RBFOX1: variants seen among roughly 807,000 people sequenced by gnomAD.
RBFOX1 encodes the protein RNA binding protein fox-1 homolog 1.
A neutral mutation model predicts 57.7 loss-of-function variants in RBFOX1; 8 were observed. That is an observed-to-expected ratio of 0.14 (90% CI 0.08 to 0.25). The LOEUF (loss-of-function observed/expected upper bound fraction) is 0.25. RBFOX1 is among the 10% of genes least tolerant of loss of function. The pLI is 1.00. For missense variants in RBFOX1, 611 were observed against 548.5 expected (o/e 1.11, Z -1.14); for synonymous variants, 326 against 222.4 (o/e 1.47, Z -4.15).
At chr16:6,868,171 C>A (rs2142999861) in intron 3 of RBFOX1, among the ~76,000 whole-genome samples, 1 of 151,960 alleles carries the variant, frequency 6.6e-6, no homozygotes, top group Non-Finnish European at 1.5e-5. Flanking sequence ...TATTTTTTTT[C>A]ATTGAAGTCT....
intron 1 of RBFOX1, among the ~76,000 whole-genome samples, chr16:5,349,528 C>T (rs1272441625): frequency 6.6e-6 from 1 of 152,068 alleles, no homozygotes; most frequent in African/African-American, 2.4e-5. Context: ...AAAAAATTAG[C>T]CGGGCGTGGT....
intron 4 of RBFOX1, among the ~76,000 whole-genome samples, chr16:5,874,026 A>G (rs2057542809): frequency 6.6e-6 from 1 of 152,348 alleles, no homozygotes; most frequent in South Asian, 2.1e-4. Flanking sequence ...ACCAGGGCCC[A>G]GCATCCTCAT....
At chr16:6,309,213 G>A (rs901679841) in intron 1 of RBFOX1, among the ~76,000 whole-genome samples, 10 of 152,106 alleles carry the variant, frequency 6.6e-5, no homozygotes, top group African/African-American at 2.4e-4. Flanking sequence ...ACTGGGTCTA[G>A]CTAAAGTTTG....
In RBFOX1 at chr16:7,518,717, T is replaced by A. The variant is rs1302260420; in HGVS notation, c.270+328T>A. Among the ~76,000 whole-genome samples the A allele has an allele frequency of 1.1e-4, 16 of 152,178 alleles. 1 individual carries two copies. Among genetic ancestry groups the A allele is most frequent in the Admixed American group, 1.0e-3 (16 of 15,280 alleles). On this transcript the variant is annotated intron_variant, in intron 5 of 15. Coordinates refer to ENST00000550418, the MANE Select transcript of RBFOX1 (RefSeq NM_018723.4). ...TGGAAAAAAAAAATTTGATGTAAGATAATTTTTCTTCAAGTCTTACGGAGG... is the reference window on the plus strand; with the variant it reads ...TGGAAAAAAAAAATTTGATGTAAGAAAATTTTTCTTCAAGTCTTACGGAGG...
intron 4 of RBFOX1, among the ~76,000 whole-genome samples, chr16:7,462,178 T>C (rs747370898): frequency 2.6e-5 from 4 of 152,142 alleles, no homozygotes; most frequent in Non-Finnish European, 4.4e-5. Flanking sequence ...AAACAGCGGG[T>C]CACAAAGAGA....
At chr16:5,828,452 C>T (rs1261180808) in intron 3 of RBFOX1, among the ~76,000 whole-genome samples, 1 of 152,124 alleles carries the variant, frequency 6.6e-6, no homozygotes, top group Non-Finnish European at 1.5e-5. Flanking sequence ...GTAATTCCAG[C>T]ACTTTGGGAG....
chr16:5,328,917 G>C (rs1485551946), intron 1 of RBFOX1, among the ~76,000 whole-genome samples: 1 of 152,170 alleles, frequency 6.6e-6, no homozygotes, highest in African/African-American at 2.4e-5. Flanking sequence ...GAGTACCCTT[G>C]ATGCTATTCC....
intron 4 of RBFOX1, among the ~76,000 whole-genome samples, chr16:7,221,561 C>A (rs1012024822): frequency 1.3e-5 from 2 of 151,862 alleles, no homozygotes; most frequent in Non-Finnish European, 2.9e-5. Context: ...GAGAAGGGGT[C>A]GCACCATGTT....
chr16:5,374,291 C>T (rs896261205), intron 1 of RBFOX1, among the ~76,000 whole-genome samples: 3 of 152,172 alleles, frequency 2.0e-5, no homozygotes, highest in South Asian at 2.1e-4. Context: ...AATAAAAGTG[C>T]TGTATGTGAT....
At chr16:7,489,033 C>G (rs1599764069) in intron 4 of RBFOX1, among the ~76,000 whole-genome samples, 1 of 152,168 alleles carries the variant, frequency 6.6e-6, no homozygotes, top group Non-Finnish European at 1.5e-5. Flanking sequence ...GCATCTATCT[C>G]TATCTTTATA....
At chr16:6,900,768 A>T (rs1179205266) in intron 3 of RBFOX1, among the ~76,000 whole-genome samples, 1 of 151,848 alleles carries the variant, frequency 6.6e-6, no homozygotes, top group Admixed American at 6.6e-5. Flanking sequence ...TACGTGTAAG[A>T]CCCTCTCCTC....
At chr16:7,381,482 G>T (rs552042998) in intron 4 of RBFOX1, among the ~76,000 whole-genome samples, 1 of 150,506 alleles carries the variant, frequency 6.6e-6, no homozygotes, top group Non-Finnish European at 1.5e-5. Flanking sequence ...TACAAAAATG[G>T]GTTCATACAT....
intron 3 of RBFOX1, among the ~76,000 whole-genome samples, chr16:6,718,290 G>T (rs1281022665): frequency 6.6e-6 from 1 of 152,158 alleles, no homozygotes; most frequent in African/African-American, 2.4e-5. Context: ...GGTTGGAGTG[G>T]TGAATGGAAC....
intron 1 of RBFOX1, among the ~76,000 whole-genome samples, chr16:6,072,896 G>A (rs1281664718): frequency 6.6e-6 from 1 of 152,118 alleles, no homozygotes; most frequent in East Asian, 1.9e-4. Context: ...TTGTGGGGAT[G>A]GTTTCACAGG....
rs1042669911 is a variant in RBFOX1, at chr16:5,707,303, G to C, written c.318+108342G>C. 2.8e-4 allele frequency among the ~76,000 whole-genome samples: 42 copies of C among 152,184 alleles called. 1 individual carries two copies. The highest frequency in any genetic ancestry group is 1.3e-4 in the Non-Finnish European group (9 of 68,030). On this transcript the variant is annotated intron_variant, in intron 3 of 19. Transcript: ENST00000641259. ...GCAGCTGTTTGGGAGAAAGAAAATT[G>C]CTTCTGTAATTTCTGCTTCTGCTGT...
At chr16:6,141,178 G>GA (rs2096713050) in intron 1 of RBFOX1, among the ~76,000 whole-genome samples, 1 of 152,108 alleles carries the variant, frequency 6.6e-6, no homozygotes, top group African/African-American at 2.4e-5. Context: ...CAGTACCTTA[G>GA]CCCATCACCA....
At chr16:5,944,702 C>T (rs910993266) in intron 4 of RBFOX1, among the ~76,000 whole-genome samples, 1 of 148,948 alleles carries the variant, frequency 6.7e-6, no homozygotes, top group Non-Finnish European at 1.5e-5. Context: ...CGCCTGTAAT[C>T]CCAGCACTTT....
chr16:6,624,835 C>A (rs2098280883), intron 2 of RBFOX1, among the ~76,000 whole-genome samples: 1 of 151,956 alleles, frequency 6.6e-6, no homozygotes, highest in Non-Finnish European at 1.5e-5. Context: ...CATGTATAAC[C>A]CCCCATGTAA....
At chr16:5,302,862 C>G (rs34075071) in intron 1 of RBFOX1, among the ~76,000 whole-genome samples, 1 of 152,010 alleles carries the variant, frequency 6.6e-6, no homozygotes. Context: ...TATAGTTAAT[C>G]TTGCTTTTTT....
Sources: allele counts gnomAD v4.1 joint callset (sites outside exome capture counted in the v4.1 genomes callset), GRCh38; gene constraint gnomAD v4.1.1; transcripts MANE v1.5; gene names NCBI Gene and HGNC (gene_info 2026-07-23, HGNC 2026-07-21).